Variants in SVOP observed in about 807,000 individuals in gnomAD.
SVOP encodes synaptic vesicle 2-related protein.
Under a neutral mutation model 69.1 loss-of-function variants are expected in SVOP, and 17 were observed. That is an observed-to-expected ratio of 0.25 (90% confidence interval 0.17 to 0.37). The LOEUF is 0.37. SVOP is among the 10% of genes least tolerant of loss of function. SVOP has a pLI of 1.00. For synonymous variants in SVOP, 238 were observed against 238.6 expected (o/e 1.00, Z 0.02); for missense variants, 435 against 597.5 (o/e 0.73, Z 2.84).
intron 1 of SVOP, among the ~76,000 whole-genome samples, chr12:108,985,201 T>A: frequency 1.4e-5 from 2 of 147,892 alleles, no homozygotes; most frequent in East Asian, 2.0e-4. Context: ...CATTCCAGCC[T>A]GAGCAACAGA....
intron 5 of SVOP, among the ~76,000 whole-genome samples, chr12:108,962,313 A>G (rs926536934): frequency 4.6e-5 from 7 of 152,116 alleles, no homozygotes; most frequent in Non-Finnish European, 8.8e-5. Flanking sequence ...TGCCCAGGCT[A>G]TTCTCAAACT....
chr12:108,982,320 T>C lies in SVOP; in HGVS notation c.196+1281A>G, dbSNP rs1014527320. 7.9e-3 allele frequency among the ~76,000 whole-genome samples: 1,196 copies of C among 150,592 alleles called. 10 individuals are homozygous for C. Among genetic ancestry groups the C allele is most frequent in the Non-Finnish European group, 0.013 (854 of 67,656 alleles). On this transcript the variant is annotated intron_variant, in intron 2 of 15. Transcript: ENST00000610966. ...ACCACCACCACCATCATTTTCATCA[T>C]CATCACCATCATCATCATCTTCACC...
At chr12:108,951,545 C>T (rs1272556596) in intron 6 of SVOP, among the ~76,000 whole-genome samples, 2 of 152,114 alleles carry the variant, frequency 1.3e-5, no homozygotes, top group Non-Finnish European at 2.9e-5. Flanking sequence ...GATGTCCCTC[C>T]GTAGAGAGAA....
chr12:108,996,797 T>C (rs996560005), intron 1 of SVOP, among the ~76,000 whole-genome samples: 7 of 152,062 alleles, frequency 4.6e-5, no homozygotes, highest in Admixed American at 2.0e-4. Context: ...TCGGGAGTAG[T>C]GGCGTGTGCC....
intron 1 of SVOP, among the ~76,000 whole-genome samples, chr12:108,999,079 G>C (rs2040253284): frequency 7.6e-6 from 1 of 130,892 alleles, no homozygotes; most frequent in Non-Finnish European, 1.6e-5. Context: ...CTCACGTGCA[G>C]AGACACACAT....
chr12:108,993,558 G>C (rs998744752), intron 1 of SVOP, among the ~76,000 whole-genome samples: 11 of 152,134 alleles, frequency 7.2e-5, no homozygotes, highest in Non-Finnish European at 1.5e-4. Flanking sequence ...AGTCTACCAG[G>C]AGGGGATAAG....
chr12:108,950,963 C>A (rs1038311514), intron 6 of SVOP, among the ~76,000 whole-genome samples: 1 of 152,162 alleles, frequency 6.6e-6, no homozygotes, highest in Non-Finnish European at 1.5e-5. Flanking sequence ...TTAGCAATGC[C>A]AAGAATCAGC....
rs757216523 is a variant in SVOP, at chr12:108,972,448, G to C, written c.410C>G (p.Ser137Cys). The change falls in exon 5 of 16, where the codon TCC (serine) becomes TGC (cysteine). Residue 137 changes from serine to cysteine, a missense_variant. By Grantham distance (112) the Ser-to-Cys change is moderately radical. Coordinates refer to ENST00000610966, the MANE Select transcript of SVOP (RefSeq NM_018711.5). ...GTCTGAGATATTTCCCCAGAGCGTG[G>C]AGCTGGACATCATGCCTACAAAGAC... ...SVVFVGMMSS[S>C]TLWGNISDQY... 1 of 1,537,214 alleles carries C rather than the reference G, an allele frequency of 6.5e-7. No homozygotes were observed. The highest frequency in any genetic ancestry group is 1.2e-5 in the South Asian group (1 of 84,054).
In SVOP at chr12:108,908,160, A is replaced by G. The variant is rs938196868; in HGVS notation, c.*4375T>C. ...GCTCTGTGCATGATTATGCATACAC[A>G]GCAGCCACAAGGAAACAGATGGAAG... On this transcript the variant is annotated 3_prime_UTR_variant, in exon 16 of 16. Transcript: ENST00000610966. The G allele has an allele frequency of 6.6e-6, 1 of 152,248 alleles. No homozygotes were observed. The highest frequency in any genetic ancestry group is 2.4e-5 in the African/African-American group (1 of 41,454). The allele number at this position is 152,248 out of a possible 1,614,324, so 9.4% of individuals were successfully genotyped here. A position where few individuals can be genotyped will look rare whatever the true frequency, so the allele number is the denominator to read the frequency against.
chr12:108,946,540 T>C (rs1229589375), intron 6 of SVOP, among the ~76,000 whole-genome samples: 3 of 152,040 alleles, frequency 2.0e-5, no homozygotes, highest in Non-Finnish European at 1.5e-5. Context: ...GTCCTATTTA[T>C]ACAATGGGTC....
At chr12:109,005,910 G>T (rs554258082) in intron 1 of SVOP, among the ~76,000 whole-genome samples, 4 of 152,242 alleles carry the variant, frequency 2.6e-5, no homozygotes, top group Admixed American at 6.5e-5. Context: ...TTTCTGTGTT[G>T]TCCTAAGACC....
intron 5 of SVOP, among the ~76,000 whole-genome samples, chr12:108,968,412 T>C (rs1184516534): frequency 6.6e-6 from 1 of 152,174 alleles, no homozygotes; most frequent in Non-Finnish European, 1.5e-5. Flanking sequence ...GTTTCTGGCA[T>C]CCTCTAATAA....
At chr12:108,991,178 G>A (rs896542053) in intron 1 of SVOP, among the ~76,000 whole-genome samples, 8 of 152,240 alleles carry the variant, frequency 5.3e-5, no homozygotes, top group African/African-American at 1.9e-4. Context: ...GCAGCTGGAA[G>A]GCAGGTGTCA....
intron 1 of SVOP, among the ~76,000 whole-genome samples, chr12:108,998,615 G>T (rs980762529): frequency 1.3e-5 from 2 of 152,058 alleles, no homozygotes; most frequent in African/African-American, 2.4e-5. Context: ...CAGATCTCTC[G>T]GCAGAAACCC....
chr12:108,952,192 T>C (rs1376999708), intron 6 of SVOP, among the ~76,000 whole-genome samples: 1 of 151,410 alleles, frequency 6.6e-6, no homozygotes, highest in Non-Finnish European at 1.5e-5. Context: ...TGTTACAAAG[T>C]AGAAGCAAAC....
intron 10 of SVOP, chr12:108,937,055 G>C: frequency 1.8e-6 from 1 of 565,456 alleles, no homozygotes. Flanking sequence ...ATTAAAAGCA[G>C]TCAAGTTAAA....
chr12:108,942,931 A>AT (rs1171114877), intron 7 of SVOP, among the ~76,000 whole-genome samples: 24 of 151,602 alleles, frequency 1.6e-4, no homozygotes, highest in Non-Finnish European at 2.7e-4. Flanking sequence ...CACCTGGTTA[A>AT]TTTTTTTTGT....
intron 11 of SVOP, among the ~76,000 whole-genome samples, chr12:108,933,623 T>G (rs1253198429): frequency 6.6e-6 from 1 of 152,092 alleles, no homozygotes; most frequent in Non-Finnish European, 1.5e-5. Context: ...GAGGCTGCAG[T>G]GAGCTGAGAT....
rs374724869 is a variant in SVOP, at chr12:108,938,941, A to G, written c.783T>C (p.Ser261=). ...FAVLCFWLPE[S]ARYDVLSGNQ... The stretch of plus-strand genomic sequence containing the variant: ...TCCCTGACAGCACATCATACCTTGC[A>G]CTTTCAGGCAGCCACTGGGATGGGG... Residue 261 remains serine, a synonymous_variant, in exon 9 of 16, where the codon AGT becomes AGC. Coordinates refer to ENST00000610966, the MANE Select transcript of SVOP (RefSeq NM_018711.5). The G allele has an allele frequency of 1.4e-4, 225 of 1,613,860 alleles. No individual in the cohort carries two copies. Among genetic ancestry groups the G allele is most frequent in the Non-Finnish European group, 1.9e-4 (219 of 1,179,878 alleles).
Sources: allele counts gnomAD v4.1 joint callset (sites outside exome capture counted in the v4.1 genomes callset), GRCh38; gene constraint gnomAD v4.1.1; transcripts MANE v1.5; gene names NCBI Gene and HGNC (gene_info 2026-07-23, HGNC 2026-07-21).